DIAPH3: variants seen among roughly 807,000 people sequenced by gnomAD.
The protein encoded by DIAPH3 is diaphanous related formin 3.
DIAPH3 carries 117 observed loss-of-function variants against 144.3 expected under a neutral mutation model. The ratio of observed to expected loss-of-function variants is 0.81; its 90% CI spans 0.70 to 0.95. DIAPH3 has a LOEUF of 0.95. Among genes scored for constraint, DIAPH3 ranks in the 40% least tolerant of loss-of-function variants. DIAPH3 has a pLI of 0.00. For missense variants in DIAPH3, 1,421 were observed against 1,412.7 expected, an observed-to-expected ratio of 1.01 and a Z score of -0.09; for synonymous variants, 519 against 488.9, an observed-to-expected ratio of 1.06 and a Z score of -0.81.
At chr13:59,701,678 C>T (rs2034121161) in intron 27 of DIAPH3, among the ~76,000 whole-genome samples, 1 of 152,192 alleles carries the variant, frequency 6.6e-6, no homozygotes, top group Non-Finnish European at 1.5e-5. Context: ...GGAAAAGTTT[C>T]TTAACTATGA....
intron 25 of DIAPH3, among the ~76,000 whole-genome samples, chr13:59,786,784 T>C (rs1485931159): frequency 6.6e-6 from 1 of 152,140 alleles, no homozygotes; most frequent in African/African-American, 2.4e-5. Context: ...GTAGAGAAGG[T>C]GGCTCTGTGG....
chr13:59,913,975 T>C (rs565011175), intron 19 of DIAPH3, among the ~76,000 whole-genome samples: 17 of 151,336 alleles, frequency 1.1e-4, no homozygotes, highest in Non-Finnish European at 2.4e-4. Flanking sequence ...ACAAAAGTAA[T>C]AAAACATAAA....
chr13:59,779,049 CT>C (rs2038583723), intron 25 of DIAPH3, among the ~76,000 whole-genome samples: 1 of 152,160 alleles, frequency 6.6e-6, no homozygotes, highest in Non-Finnish European at 1.5e-5. Flanking sequence ...CCATCCCAAC[CT>C]GTTCTTTAGC....
intron 3 of DIAPH3, among the ~76,000 whole-genome samples, chr13:60,107,122 G>A (rs930008548): frequency 6.6e-6 from 1 of 152,040 alleles, no homozygotes; most frequent in Non-Finnish European, 1.5e-5. Flanking sequence ...CTATATTGTG[G>A]TCATATAGAA....
chr13:59,861,595 ACTTAAATAATATTAATACT>A, intron 21 of DIAPH3, 59 bp from the exon 22 acceptor site: 1 of 1,520,810 alleles, frequency 6.6e-7, no homozygotes, highest in Non-Finnish European at 9.1e-7. Flanking sequence ...TATTCTGTCT[ACTTAAATAATATTAATACT>A]GTATTTTGTA....
At chr13:59,682,667 C>G (rs1226375424) in intron 27 of DIAPH3, among the ~76,000 whole-genome samples, 1 of 152,030 alleles carries the variant, frequency 6.6e-6, no homozygotes, top group Non-Finnish European at 1.5e-5. Flanking sequence ...ATATATAATA[C>G]TGCATAAAAC....
At chr13:59,978,629 T>C (rs1482501740) in intron 14 of DIAPH3, among the ~76,000 whole-genome samples, 1 of 151,720 alleles carries the variant, frequency 6.6e-6, no homozygotes, top group Non-Finnish European at 1.5e-5. Context: ...TCCTCGCCTA[T>C]AAAAAGATAG....
intron 17 of DIAPH3, among the ~76,000 whole-genome samples, chr13:59,946,482 T>C (rs1566555792): frequency 1.3e-5 from 2 of 152,140 alleles, no homozygotes; most frequent in Admixed American, 6.6e-5. Context: ...TTATGCTCAA[T>C]AGATAGCATA....
chr13:59,854,409 C>A (rs993120512), intron 22 of DIAPH3, among the ~76,000 whole-genome samples: 13 of 152,144 alleles, frequency 8.5e-5, no homozygotes, highest in South Asian at 8.3e-4. Flanking sequence ...TAAATACATT[C>A]TGGTTTCTGG....
At chr13:60,146,261 C>G (rs993460850) in intron 1 of DIAPH3, among the ~76,000 whole-genome samples, 1 of 152,122 alleles carries the variant, frequency 6.6e-6, no homozygotes, top group African/African-American at 2.4e-5. Context: ...ACCAGGCCAC[C>G]AGGTGCAGGC....
rs58372882 is a variant in DIAPH3, at chr13:59,697,459, C to CA, written c.3320-30614dup. Among the ~76,000 whole-genome samples the CA allele has an allele frequency of 9.8e-3, 307 of 31,194 alleles. 33 individuals are homozygous for CA. The highest frequency in any genetic ancestry group is 0.02 in the African/African-American group (164 of 8,348). The allele number at this position is 31,194 out of a possible 152,430, so 20.5% of individuals were successfully genotyped here. A position where few individuals can be genotyped will look rare whatever the true frequency, so the allele number is the denominator to read the frequency against. On this transcript the variant is annotated intron_variant, in intron 27 of 27. Coordinates refer to ENST00000400324, the MANE Select transcript of DIAPH3 (RefSeq NM_001042517.2). ...TGGGCGACAGAGCGAGACACTGTCT[C>CA]AAAAAAAAAAAAAAAAAAAAAAAAA...
intron 27 of DIAPH3, among the ~76,000 whole-genome samples, chr13:59,767,831 C>T (rs1398438819): frequency 6.6e-6 from 1 of 152,182 alleles, no homozygotes; most frequent in Non-Finnish European, 1.5e-5. Flanking sequence ...TTTGCTATTT[C>T]TTGCATAAAT....
chr13:59,844,787 A>G (rs2042543746), intron 22 of DIAPH3, among the ~76,000 whole-genome samples: 1 of 152,168 alleles, frequency 6.6e-6, no homozygotes, highest in Non-Finnish European at 1.5e-5. Context: ...GACATCTCTC[A>G]GTCACTTCAG....
At position 59,845,677 on chromosome 13, in the gene DIAPH3, C is replaced by T. The variant is rs970300140; in HGVS notation, c.2738-6229G>A. ...AATGTGTGTCTATCTGCCTTGTGCA[C>T]TTCACCCCTGGGTCATAACCATTCA... On this transcript the variant is annotated intron_variant, in intron 22 of 27. Transcript: ENST00000400324. 3.9e-5 allele frequency among the ~76,000 whole-genome samples: 6 copies of T among 152,338 alleles called. No individual in the cohort carries two copies. The South Asian group carries it at 1.2e-3, about 32-fold the overall frequency.
At chr13:59,766,575 T>A (rs1270981012) in intron 27 of DIAPH3, among the ~76,000 whole-genome samples, 1 of 152,138 alleles carries the variant, frequency 6.6e-6, no homozygotes, top group Non-Finnish European at 1.5e-5. Context: ...GCACCTATGC[T>A]TTCATATCCC....
chr13:59,811,857 T>C (rs111370137), intron 24 of DIAPH3, among the ~76,000 whole-genome samples: 245 of 152,194 alleles, frequency 1.6e-3, no homozygotes, highest in African/African-American at 5.7e-3. Flanking sequence ...TGATTATTTG[T>C]TTAATTTCTT....
At chr13:59,998,222 C>G (rs991026599) in intron 9 of DIAPH3, among the ~76,000 whole-genome samples, 2 of 152,014 alleles carry the variant, frequency 1.3e-5, no homozygotes, top group African/African-American at 2.4e-5. Flanking sequence ...ATAATTTATA[C>G]CAGGGATACT....
chr13:59,678,105 C>T (rs1399599643), intron 27 of DIAPH3, among the ~76,000 whole-genome samples: 2 of 152,106 alleles, frequency 1.3e-5, no homozygotes, highest in East Asian at 1.9e-4. Context: ...ATGAGAGTGA[C>T]CTTTATGCTA....
At chr13:60,055,599 G>C (rs2056524716) in intron 4 of DIAPH3, among the ~76,000 whole-genome samples, 1 of 151,772 alleles carries the variant, frequency 6.6e-6, no homozygotes, top group Non-Finnish European at 1.5e-5. Context: ...CCACATAATG[G>C]AGTAGCATGC....
Sources: gnomAD v4.1 joint callset for allele counts (sites outside exome capture counted in the v4.1 genomes callset) on GRCh38, gnomAD v4.1.1 for gene constraint, MANE v1.5 for transcripts, NCBI Gene and HGNC (gene_info 2026-07-23, HGNC 2026-07-21) for gene names.